KCNT2: variants seen among roughly 807,000 people sequenced by gnomAD.
KCNT2 encodes potassium channel subfamily T member 2.
Under a neutral mutation model 153.8 loss-of-function variants are expected in KCNT2, and 67 were observed. The observed-to-expected ratio is 0.44, with a 90% CI of 0.36 to 0.53. The LOEUF (loss-of-function observed/expected upper bound fraction) is 0.53, where lower values mean the gene tolerates loss of function less well. KCNT2 is among the 20% of genes least tolerant of loss of function. The pLI is 0.00. For missense variants in KCNT2, 975 were observed against 1,354.8 expected (o/e 0.72, Z 4.40); for synonymous variants, 500 against 458.8 (o/e 1.09, Z -1.15).
intron 13 of KCNT2, among the ~76,000 whole-genome samples, chr1:196,390,191 A>T (rs1456399737): frequency 6.6e-6 from 1 of 151,256 alleles, no homozygotes; most frequent in Non-Finnish European, 1.5e-5. Flanking sequence ...TTACTAGGTT[A>T]TATTGTCACT....
chr1:196,277,064 T>C (rs1658640444), intron 25 of KCNT2, among the ~76,000 whole-genome samples: 1 of 152,204 alleles, frequency 6.6e-6, no homozygotes, highest in Non-Finnish European at 1.5e-5. Context: ...CATTTCCTCT[T>C]TCTTGAAATC....
At chr1:196,528,535 C>T (rs929750432) in intron 1 of KCNT2, among the ~76,000 whole-genome samples, 4 of 152,106 alleles carry the variant, frequency 2.6e-5, no homozygotes, top group Admixed American at 6.6e-5. Flanking sequence ...ATTGACTAAA[C>T]GGCTATTAAG....
chr1:196,565,085 T>G (rs1003680170), intron 1 of KCNT2, among the ~76,000 whole-genome samples: 1 of 131,742 alleles, frequency 7.6e-6, no homozygotes, highest in East Asian at 2.2e-4. Flanking sequence ...AGGATTAACA[T>G]ACAAAATAAA....
At chr1:196,402,636 C>T (rs1162319060) in intron 12 of KCNT2, among the ~76,000 whole-genome samples, 2 of 151,236 alleles carry the variant, frequency 1.3e-5, no homozygotes, top group Non-Finnish European at 3.0e-5. Flanking sequence ...AGGAAACAAA[C>T]AAAACAATTT....
intron 1 of KCNT2, among the ~76,000 whole-genome samples, chr1:196,537,106 T>C (rs996744888): frequency 2.0e-5 from 3 of 152,072 alleles, no homozygotes; most frequent in African/African-American, 7.2e-5. Context: ...TCCATAGGGG[T>C]TGTGCCTGCT....
intron 13 of KCNT2, among the ~76,000 whole-genome samples, chr1:196,379,288 T>A (rs1669253352): frequency 6.6e-6 from 1 of 152,044 alleles, no homozygotes; most frequent in African/African-American, 2.4e-5. Flanking sequence ...AAATTATATG[T>A]GGCAGGGTGT....
chr1:196,301,975 C>T (rs1243689531), intron 22 of KCNT2, among the ~76,000 whole-genome samples: 4 of 152,158 alleles, frequency 2.6e-5, no homozygotes, highest in East Asian at 1.9e-4. Flanking sequence ...CCTGACTTCA[C>T]GTGATCCACC....
At chr1:196,249,073 TA>T in intron 26 of KCNT2, among the ~76,000 whole-genome samples, 1 of 152,200 alleles carries the variant, frequency 6.6e-6, no homozygotes, top group Middle Eastern at 3.4e-3. Context: ...CAATTGGTGC[TA>T]AAAATGGATT....
chr1:196,280,725 G>T, intron 25 of KCNT2, 135 bp downstream of exon 25: 1 of 840,442 alleles, frequency 1.2e-6, no homozygotes, highest in Non-Finnish European at 1.8e-6. Context: ...TTGGTTCTGA[G>T]ATTTAACACT....
At chr1:196,398,819 T>C in intron 12 of KCNT2, 148 bp from the exon 13 acceptor site, 1 of 490,484 alleles carries the variant, frequency 2.0e-6, no homozygotes, top group Non-Finnish European at 3.7e-6. Context: ...GGATACCTAT[T>C]ATTTCCATAG....
intron 22 of KCNT2, among the ~76,000 whole-genome samples, chr1:196,287,776 A>G (rs1659804581): frequency 6.6e-6 from 1 of 152,094 alleles, no homozygotes; most frequent in African/African-American, 2.4e-5. Flanking sequence ...CAGAGCTCCT[A>G]TATAGAACTA....
At position 196,333,848 on chromosome 1, in the gene KCNT2, C is replaced by G. The variant is rs753003836; in HGVS notation, c.1996G>C (p.Glu666Gln). The G allele has an allele frequency of 6.3e-7, 1 of 1,591,182 alleles. No homozygotes were observed. The highest frequency in any genetic ancestry group is 2.2e-5 in the East Asian group (1 of 44,514). Residue 666 changes from glutamate to glutamine, a missense_variant and splice_region_variant, in exon 17 of 28, where the codon GAG becomes CAG. Glu to Gln is a conservative substitution (Grantham distance 29). This residue lies in a region of KCNT2 where 325 missense variants were observed against 388.1 expected (regional missense o/e 0.84). Coordinates refer to ENST00000294725, the MANE Select transcript of KCNT2 (RefSeq NM_198503.5). The part of the protein sequence containing the change: ...TPDEEMSSNL[E>Q]YAKGYPPYSP... ...ACACCTTAGAGTATCTGAACATACT[C>G]TAAGTTTGAAGACATTTCTTCATCT...
At chr1:196,571,210 T>C (rs1303063488) in intron 1 of KCNT2, among the ~76,000 whole-genome samples, 1 of 152,054 alleles carries the variant, frequency 6.6e-6, no homozygotes. Context: ...CATATTAGCA[T>C]TAAACAGAAA....
chr1:196,282,679 C>T (rs1363592626), intron 23 of KCNT2, among the ~76,000 whole-genome samples: 1 of 152,086 alleles, frequency 6.6e-6, no homozygotes. Context: ...GAAATGATGA[C>T]TATCATAAAA....
chr1:196,381,121 A>G (rs1420758192), intron 13 of KCNT2, among the ~76,000 whole-genome samples: 1 of 152,210 alleles, frequency 6.6e-6, no homozygotes, highest in African/African-American at 2.4e-5. Flanking sequence ...TAACACAAGT[A>G]AAAAGCACGT....
intron 10 of KCNT2, among the ~76,000 whole-genome samples, chr1:196,427,187 T>A (rs1673732364): frequency 6.6e-6 from 1 of 151,724 alleles, no homozygotes; most frequent in Non-Finnish European, 1.5e-5. Flanking sequence ...AAAATGCAAG[T>A]TAACATATGA....
chr1:196,547,045 A>G (rs1657197456), intron 1 of KCNT2, among the ~76,000 whole-genome samples: 1 of 152,038 alleles, frequency 6.6e-6, no homozygotes, highest in Non-Finnish European at 1.5e-5. Context: ...AACATAGAGT[A>G]ACAAAAGAGC....
chr1:196,260,098 C>T (rs1038219139), intron 25 of KCNT2, among the ~76,000 whole-genome samples: 9 of 151,286 alleles, frequency 5.9e-5, no homozygotes, highest in Non-Finnish European at 1.0e-4. Context: ...TAGAGACTTG[C>T]TTGCAGAGTT....
chr1:196,410,569 AAAAT>A (rs200366878), intron 12 of KCNT2, among the ~76,000 whole-genome samples: 8,681 of 151,506 alleles, frequency 0.057, 385 homozygotes, highest in Non-Finnish European at 0.085. Context: ...AAGTATAATA[AAAAT>A]AAATAAATAA....
Sources: allele counts gnomAD v4.1 joint callset (sites outside exome capture counted in the v4.1 genomes callset), GRCh38; gene constraint gnomAD v4.1.1; regional missense constraint gnomAD v4.1.1; transcripts MANE v1.5; gene names NCBI Gene and HGNC (gene_info 2026-07-23, HGNC 2026-07-21).